Variants in RBFOX1 observed in about 807,000 individuals in gnomAD.
RBFOX1 encodes RNA binding protein fox-1 homolog 1.
In RBFOX1, 8 loss-of-function variants were observed where a neutral mutation model predicts 57.7. That is an observed-to-expected ratio of 0.14 (90% CI 0.08 to 0.25). The LOEUF is 0.25. Ranked by LOEUF, RBFOX1 falls within the 10% of genes least tolerant of loss-of-function variation. The pLI is 1.00. For synonymous variants in RBFOX1, 326 were observed against 222.4 expected, an observed-to-expected ratio of 1.47 and a Z score of -4.15; for missense variants, 611 against 548.5, an observed-to-expected ratio of 1.11 and a Z score of -1.14.
intron 4 of RBFOX1, among the ~76,000 whole-genome samples, chr16:5,932,018 G>A (rs2059069943): frequency 6.6e-6 from 1 of 152,042 alleles, no homozygotes; most frequent in Non-Finnish European, 1.5e-5. Context: ...TTCCCAGGCT[G>A]GTTTCGGACT....
At chr16:6,518,435 C>T (rs758330871) in intron 2 of RBFOX1, among the ~76,000 whole-genome samples, 2 of 152,068 alleles carry the variant, frequency 1.3e-5, no homozygotes, top group African/African-American at 2.4e-5. Context: ...AGGTGATGAC[C>T]GTGTGTCATT....
chr16:7,616,132 C>A (rs964358729), intron 10 of RBFOX1, among the ~76,000 whole-genome samples: 14 of 152,168 alleles, frequency 9.2e-5, no homozygotes, highest in African/African-American at 2.2e-4. Context: ...CTCTCAGGCT[C>A]CATGATTGAT....
chr16:7,181,714 G>C (rs1034551746), intron 4 of RBFOX1, among the ~76,000 whole-genome samples: 1 of 151,974 alleles, frequency 6.6e-6, no homozygotes, highest in Non-Finnish European at 1.5e-5. Flanking sequence ...AGGTATGCAC[G>C]ATGCCTGGCT....
chr16:6,659,520 A>G (rs1045190673), intron 3 of RBFOX1, among the ~76,000 whole-genome samples: 2 of 152,128 alleles, frequency 1.3e-5, no homozygotes, highest in Non-Finnish European at 2.9e-5. Flanking sequence ...TGGAAGTACC[A>G]TCATTTTCCC....
At chr16:5,648,880 A>G (rs878929405) in intron 3 of RBFOX1, among the ~76,000 whole-genome samples, 5 of 152,088 alleles carry the variant, frequency 3.3e-5, no homozygotes, top group Non-Finnish European at 7.4e-5. Context: ...GCTGGCCAAC[A>G]TGGTGAAACC....
chr16:6,722,868 C>G (rs2066305856), intron 3 of RBFOX1, among the ~76,000 whole-genome samples: 1 of 152,214 alleles, frequency 6.6e-6, no homozygotes, highest in Non-Finnish European at 1.5e-5. Flanking sequence ...CTTTGGCACA[C>G]TGACATCTGT....
intron 4 of RBFOX1, among the ~76,000 whole-genome samples, chr16:7,330,551 G>T: frequency 6.7e-6 from 1 of 149,560 alleles, no homozygotes; most frequent in South Asian, 2.1e-4. Context: ...GAGAGAGAAA[G>T]TTACATAAAT....
At chr16:5,738,168 T>C (rs1352429319) in intron 3 of RBFOX1, among the ~76,000 whole-genome samples, 2 of 152,100 alleles carry the variant, frequency 1.3e-5, no homozygotes, top group Non-Finnish European at 1.5e-5. Flanking sequence ...AAAAAATGTT[T>C]TCATACATTA....
At chr16:6,778,627 T>G (rs1457153818) in intron 3 of RBFOX1, among the ~76,000 whole-genome samples, 1 of 152,154 alleles carries the variant, frequency 6.6e-6, no homozygotes, top group Non-Finnish European at 1.5e-5. Context: ...TTAGTTAATA[T>G]GGCTAGAGTT....
intron 3 of RBFOX1, among the ~76,000 whole-genome samples, chr16:5,811,312 T>C (rs2055422973): frequency 6.6e-6 from 1 of 151,922 alleles, no homozygotes; most frequent in South Asian, 2.1e-4. Flanking sequence ...TTTTATACTT[T>C]TAGTAGAGAC....
intron 4 of RBFOX1, among the ~76,000 whole-genome samples, chr16:7,404,042 T>TATTTTATTTTATTTC: frequency 6.8e-6 from 1 of 147,482 alleles, no homozygotes; most frequent in East Asian, 2.0e-4. Context: ...TATTTTATTT[T>TATTTTATTTTATTTC]ATTTTATTTT....
chr16:7,291,988 A>G lies in RBFOX1; in HGVS notation c.28-226159A>G, dbSNP rs1300127269. 1.5e-4 allele frequency among the ~76,000 whole-genome samples: 11 copies of G among 71,098 alleles called. No homozygotes were observed. The East Asian group carries it at 3.9e-3, about 25-fold the overall frequency. The allele number at this position is 71,098 out of a possible 152,430, so 46.6% of individuals were successfully genotyped here. On this transcript the variant is annotated intron_variant, in intron 4 of 15. Coordinates refer to ENST00000550418, the MANE Select transcript of RBFOX1 (RefSeq NM_018723.4). ...ATATATTTTATATATAATATAGAAT[A>G]TATGATGTATTATATGTATTATATA...
At chr16:7,393,642 C>G (rs2098085735) in intron 4 of RBFOX1, among the ~76,000 whole-genome samples, 1 of 152,084 alleles carries the variant, frequency 6.6e-6, no homozygotes, top group South Asian at 2.1e-4. Context: ...TAGCCTCAGC[C>G]TGATCTTGTA....
intron 1 of RBFOX1, among the ~76,000 whole-genome samples, chr16:6,197,076 G>A (rs1275696048): frequency 6.6e-6 from 1 of 152,102 alleles, no homozygotes; most frequent in East Asian, 1.9e-4. Context: ...TGTCCACCTA[G>A]CCAGTGATTT....
At chr16:5,917,099 T>G (rs2058720930) in intron 4 of RBFOX1, among the ~76,000 whole-genome samples, 1 of 152,000 alleles carries the variant, frequency 6.6e-6, no homozygotes, top group African/African-American at 2.4e-5. Context: ...TGCTCTACAG[T>G]CTGGAATTTG....
chr16:5,460,981 C>G (rs552892207), intron 1 of RBFOX1, among the ~76,000 whole-genome samples: 5 of 152,228 alleles, frequency 3.3e-5, no homozygotes, highest in Admixed American at 3.3e-4. Context: ...AAATTCTGCT[C>G]ATGAAACGGA....
Position 5,672,247 on chromosome 16 carries a change from C to T in RBFOX1, c.318+73286C>T, listed in dbSNP as rs553225792. ...CTTCATAGTGGCCCTTTGGAACTGTCTGGGCAGATGCCTACCTCTCTGATG... is the reference window on the plus strand; with the variant it reads ...CTTCATAGTGGCCCTTTGGAACTGTTTGGGCAGATGCCTACCTCTCTGATG... On this transcript the variant is annotated intron_variant, in intron 3 of 19. Transcript: ENST00000641259. Among the ~76,000 whole-genome samples the T allele has an allele frequency of 1.7e-4, 26 of 152,232 alleles. No individual in the cohort carries two copies. In the South Asian group the frequency reaches 5.2e-3, roughly 30 times the overall value.
intron 5 of RBFOX1, among the ~76,000 whole-genome samples, chr16:7,577,524 C>G (rs939990969): frequency 1.3e-5 from 2 of 152,352 alleles, no homozygotes; most frequent in East Asian, 1.9e-4. Flanking sequence ...CCAGAATTGG[C>G]AAGCCTGGCT....
chr16:6,932,447 A>G (rs1447699879), intron 3 of RBFOX1, among the ~76,000 whole-genome samples: 2 of 152,100 alleles, frequency 1.3e-5, no homozygotes, highest in African/African-American at 2.4e-5. Context: ...ATACCATTAC[A>G]TTGGCAGTTA....
Sources: gnomAD v4.1 joint callset for allele counts (sites outside exome capture counted in the v4.1 genomes callset) on GRCh38, gnomAD v4.1.1 for gene constraint, MANE v1.5 for transcripts, NCBI Gene and HGNC (gene_info 2026-07-23, HGNC 2026-07-21) for gene names.